The following TMEM260 variants were observed in gnomAD, a reference collection of about 807,000 sequenced individuals.
TMEM260 encodes the protein transmembrane protein 260, also known as protein O-mannosyl-transferase TMEM260.
TMEM260 carries 82 observed loss-of-function variants against 88.9 expected under a neutral mutation model. The ratio of observed to expected loss-of-function variants is 0.92; its 90% CI spans 0.77 to 1.11. The LOEUF is 1.11. Ranked by LOEUF, TMEM260 falls within the 50% of genes least tolerant of loss-of-function variation. The pLI is 0.00. For missense variants in TMEM260, 902 were observed against 853.4 expected (o/e 1.06, Z -0.71); for synonymous variants, 314 against 309.3 (o/e 1.02, Z -0.16).
Position 56,626,827 on chromosome 14 carries a change from G to A in TMEM260, c.1547+1297G>A, listed in dbSNP as rs544322445. Among the ~76,000 whole-genome samples, 90 of 152,240 alleles carry A rather than the reference G, an allele frequency of 5.9e-4. No homozygotes were observed. The East Asian group carries it at 6.0e-3, about 10-fold the overall frequency. On this transcript the variant is annotated intron_variant, in intron 12 of 15. Coordinates refer to ENST00000261556, the MANE Select transcript of TMEM260 (RefSeq NM_017799.4). Reference sequence around the variant, plus strand: ...AAACAACACGGAAAAGTGTGAAGACGATCAGTATCATCTGTCTCCCAAGGA... The same window carrying A: ...AAACAACACGGAAAAGTGTGAAGACAATCAGTATCATCTGTCTCCCAAGGA...
downstream of TMEM260, among the ~76,000 whole-genome samples, chr14:56,655,520 GAT>G (rs998433939): frequency 4.6e-5 from 7 of 152,112 alleles, no homozygotes; most frequent in Non-Finnish European, 7.3e-5. Flanking sequence ...GTTTGATAAA[GAT>G]ATATAGATTA....
At chr14:56,658,355 C>G in the TMEM260 span, among the ~76,000 whole-genome samples, 1 of 152,164 alleles carries the variant, frequency 6.6e-6, no homozygotes, top group South Asian at 2.1e-4. Context: ...TCAAGTGATT[C>G]TTGTGCCTCA....
chr14:56,650,727 G>A (rs137904798), downstream of TMEM260: 1 of 151,458 alleles, frequency 6.6e-6, no homozygotes, highest in East Asian at 2.0e-4. Flanking sequence ...TAACTTTTAA[G>A]TCATCAGGCT....
intron 5 of TMEM260, among the ~76,000 whole-genome samples, chr14:56,606,284 G>C (rs561322846): frequency 1.7e-4 from 26 of 152,144 alleles, no homozygotes; most frequent in Non-Finnish European, 3.4e-4. Context: ...GGCAATGTGA[G>C]ATTTAGGTAC....
intron 5 of TMEM260, among the ~76,000 whole-genome samples, chr14:56,608,534 A>T (rs778166876): frequency 5.3e-5 from 8 of 152,206 alleles, no homozygotes; most frequent in Non-Finnish European, 1.2e-4. Flanking sequence ...ATTCTATCCT[A>T]TATGTAAATT....
intron 6 of TMEM260, 54 bp downstream of exon 6, chr14:56,609,339 T>C: frequency 6.6e-7 from 1 of 1,519,876 alleles, no homozygotes; most frequent in Non-Finnish European, 9.1e-7. Flanking sequence ...ACTTCAGTGC[T>C]CTGCCTGGGC....
Position 56,617,177 on chromosome 14 carries a change from T to C in TMEM260, c.942-6T>C. ...ATTTTAGACATATTTTTATTATTTT[T>C]TGTAGGGACAGACAGAATCCATCAT... is the stretch of plus-strand genomic sequence containing the variant. On this transcript the variant is annotated splice_region_variant and splice_polypyrimidine_tract_variant and intron_variant, in intron 8 of 15. Coordinates refer to ENST00000261556, the MANE Select transcript of TMEM260 (RefSeq NM_017799.4). 1.3e-6 allele frequency: 2 copies of C among 1,524,072 alleles called. No homozygotes were observed. The highest frequency in any genetic ancestry group is 2.5e-5 in the South Asian group (2 of 81,186). The allele number at this position is 1,524,072 out of a possible 1,614,324, so 94.4% of individuals were successfully genotyped here.
intron 13 of TMEM260, among the ~76,000 whole-genome samples, chr14:56,633,944 GAA>G (rs1184362954): frequency 6.6e-5 from 10 of 152,124 alleles, no homozygotes; most frequent in African/African-American, 2.4e-4. Context: ...AAGGTTTTTT[GAA>G]AAGACAGTAT....
At chr14:56,610,812 T>C (rs1302303936) in intron 6 of TMEM260, among the ~76,000 whole-genome samples, 1 of 152,140 alleles carries the variant, frequency 6.6e-6, no homozygotes, top group Non-Finnish European at 1.5e-5. Flanking sequence ...ATGAACAAGT[T>C]ATAATGAATT....
intron 7 of TMEM260, among the ~76,000 whole-genome samples, chr14:56,615,072 G>A (rs533120270): frequency 1.3e-5 from 2 of 152,272 alleles, no homozygotes; most frequent in African/African-American, 4.8e-5. Flanking sequence ...TTGAAGAATG[G>A]TTTGAAATGG....
rs752523485 is a variant in TMEM260 at position 56,621,661 on chromosome 14, T to C, written c.1357T>C (p.Cys453Arg). Residue 453 changes from cysteine to arginine, a missense_variant, in exon 11 of 16, where the codon TGT becomes CGT. By Grantham distance (180) the Cys-to-Arg change is radical (BLOSUM62 -3). Coordinates refer to ENST00000261556, the MANE Select transcript of TMEM260 (RefSeq NM_017799.4). ...PGNSLRYMHY[C>R]EGLRPDISLV... ...AAATTCTCTCCGTTACATGCATTAC[T>C]GTGAGGGGTTGAGGCCTGACATTTC... The C allele has an allele frequency of 6.2e-7, 1 of 1,612,924 alleles. No homozygotes were observed.
chr14:56,596,381 A>AGTGTGTGTGTGTGTGTGT (rs376857460), intron 3 of TMEM260, among the ~76,000 whole-genome samples: 6 of 126,592 alleles, frequency 4.7e-5, no homozygotes, highest in African/African-American at 1.8e-4. Context: ...TATATGTGAG[A>AGTGTGTGTGTGTGTGTGT]GTGTGTGTGT....
chr14:56,655,022 A>G (rs1013643714), downstream of TMEM260, among the ~76,000 whole-genome samples: 3 of 152,152 alleles, frequency 2.0e-5, no homozygotes, highest in African/African-American at 7.2e-5. Flanking sequence ...AGCTGTTATT[A>G]TAACAATCTT....
chr14:56,644,022 G>T (rs1889786165), intron 15 of TMEM260, among the ~76,000 whole-genome samples: 2 of 152,136 alleles, frequency 1.3e-5, no homozygotes, highest in Admixed American at 1.3e-4. Flanking sequence ...CAAACAAATG[G>T]AAGAACATTC....
At chr14:56,643,437 A>G (rs1043480234) in intron 15 of TMEM260, among the ~76,000 whole-genome samples, 15 of 152,310 alleles carry the variant, frequency 9.8e-5, no homozygotes, top group African/African-American at 3.4e-4. Context: ...GATGCAGAAA[A>G]GGCCTTTGAC....
intron 14 of TMEM260, 55 bp from the exon 15 acceptor site, chr14:56,636,453 C>T: frequency 1.4e-6 from 2 of 1,407,658 alleles, no homozygotes; most frequent in Non-Finnish European, 1.0e-6. Flanking sequence ...TTAGCTAGCC[C>T]TGAATGTGCA....
intron 15 of TMEM260, among the ~76,000 whole-genome samples, chr14:56,646,241 G>T (rs1889958425): frequency 6.6e-6 from 1 of 152,214 alleles, no homozygotes; most frequent in Non-Finnish European, 1.5e-5. Context: ...AAATAGGTAT[G>T]CATTTGTTTG....
chr14:56,639,372 A>G (rs115108227), intron 15 of TMEM260, among the ~76,000 whole-genome samples: 140 of 152,346 alleles, frequency 9.2e-4, no homozygotes, highest in African/African-American at 3.3e-3. Context: ...ATTTACTCTG[A>G]TGTGATTATT....
chr14:56,586,059 A>G (rs574719069), intron 3 of TMEM260, 147 bp downstream of exon 3: 7 of 887,960 alleles, frequency 7.9e-6, no homozygotes, highest in South Asian at 3.6e-5. Context: ...ATACTTTCAT[A>G]TGCATTTGAC....
Sources: allele counts gnomAD v4.1 joint callset (sites outside exome capture counted in the v4.1 genomes callset), GRCh38; gene constraint gnomAD v4.1.1; transcripts MANE v1.5; gene names NCBI Gene and HGNC (gene_info 2026-07-23, HGNC 2026-07-21).